The following PITPNC1 variants were observed in gnomAD, a reference collection of about 807,000 sequenced individuals.
The protein encoded by PITPNC1 is phosphatidylinositol transfer protein cytoplasmic 1.
In PITPNC1, 18 loss-of-function variants were observed where a neutral mutation model predicts 44.7. That is an observed-to-expected ratio of 0.40 (90% CI 0.28 to 0.60). PITPNC1 has a LOEUF of 0.60. Ranked by LOEUF, PITPNC1 falls within the 20% of genes least tolerant of loss-of-function variation. PITPNC1 has a pLI of 0.39. For missense variants in PITPNC1, 290 were observed against 418.4 expected, an observed-to-expected ratio of 0.69 and a Z score of 2.68; for synonymous variants, 141 against 149.6, an observed-to-expected ratio of 0.94 and a Z score of 0.42.
intron 1 of PITPNC1, among the ~76,000 whole-genome samples, chr17:67,463,365 A>G (rs977509546): frequency 2.0e-5 from 3 of 152,042 alleles, no homozygotes; most frequent in African/African-American, 7.2e-5. Context: ...GGTGGGATAT[A>G]TTTTCATACA....
intron 8 of PITPNC1, among the ~76,000 whole-genome samples, chr17:67,692,154 C>T (rs1022220692): frequency 6.6e-6 from 1 of 152,036 alleles, no homozygotes; most frequent in African/African-American, 2.4e-5. Context: ...GTTTTAATTA[C>T]CTTCTCTTTA....
At chr17:67,436,855 A>C (rs894611484) in intron 1 of PITPNC1, among the ~76,000 whole-genome samples, 6 of 150,968 alleles carry the variant, frequency 4.0e-5, no homozygotes, top group Non-Finnish European at 7.4e-5. Context: ...TGTCCCCTCA[A>C]AATCTGTGTC....
At chr17:67,661,994 C>CATAATAATAATAATAATAATAATAATA (rs59557224) in intron 6 of PITPNC1, among the ~76,000 whole-genome samples, 1 of 150,862 alleles carries the variant, frequency 6.6e-6, no homozygotes, top group African/African-American at 2.5e-5. Context: ...GACTCCATCT[C>CATAATAATAATAATAATAATAATAATA]ATAATAATAA....
intron 2 of PITPNC1, among the ~76,000 whole-genome samples, chr17:67,541,506 G>A (rs1223528976): frequency 6.6e-6 from 1 of 152,196 alleles, no homozygotes; most frequent in African/African-American, 2.4e-5. Context: ...TTTAGTGTGT[G>A]TGTAATAGAT....
chr17:67,403,222 A>C (rs2038348286), intron 1 of PITPNC1, among the ~76,000 whole-genome samples: 2 of 112,468 alleles, frequency 1.8e-5, no homozygotes, highest in African/African-American at 5.6e-5. Context: ...TCTCTACAAA[A>C]AAAAAAAAAA....
In PITPNC1 at chr17:67,519,171, G is replaced by GTT. The variant is rs563294178; in HGVS notation, c.49-13609_49-13608dup. Among the ~76,000 whole-genome samples, 372 of 78,726 alleles carry GTT rather than the reference G, an allele frequency of 4.7e-3. 3 individuals carry two copies. Among genetic ancestry groups the GTT allele is most frequent in the Middle Eastern group, 7.7e-3 (1 of 130 alleles). 51.6% of individuals were successfully genotyped at this position (78,726 alleles called of 152,430 possible). ...ATACTCATGTTCACAGCAGCATTCT[G>GTT]TTTTTTTTTTTTTTTTTTTTTTTGA... is the stretch of plus-strand genomic sequence containing the variant. On this transcript the variant is annotated intron_variant, in intron 1 of 8. Transcript: ENST00000581322.
At chr17:67,497,685 G>A (rs2916153) in intron 1 of PITPNC1, among the ~76,000 whole-genome samples, 38,388 of 150,716 alleles carry the variant, frequency 0.25, 5,236 homozygotes, top group African/African-American at 0.34. Context: ...GAGCCACCAC[G>A]CCCAGCTAAT....
At chr17:67,577,710 C>A (rs2041169056) in intron 4 of PITPNC1, among the ~76,000 whole-genome samples, 1 of 150,880 alleles carries the variant, frequency 6.6e-6, no homozygotes. Flanking sequence ...AAAATAAAAG[C>A]CAGGTCTGTC....
chr17:67,423,766 C>A (rs1020288644), intron 1 of PITPNC1, among the ~76,000 whole-genome samples: 6 of 152,090 alleles, frequency 3.9e-5, no homozygotes, highest in Non-Finnish European at 5.9e-5. Context: ...GTGGCTCCTT[C>A]AAGAGCAGTT....
At chr17:67,546,267 A>G (rs1353588442) in intron 2 of PITPNC1, among the ~76,000 whole-genome samples, 1 of 134,294 alleles carries the variant, frequency 7.4e-6, no homozygotes, top group Non-Finnish European at 1.5e-5. Flanking sequence ...TGTATATTAC[A>G]TATTATTTAT....
At chr17:67,415,993 T>A (rs1407922515) in intron 1 of PITPNC1, among the ~76,000 whole-genome samples, 1 of 152,076 alleles carries the variant, frequency 6.6e-6, no homozygotes, top group Non-Finnish European at 1.5e-5. Context: ...CTTTGTTCGT[T>A]AGGTTGAAGA....
chr17:67,386,381 C>T (rs923489711), intron 1 of PITPNC1, among the ~76,000 whole-genome samples: 2 of 152,026 alleles, frequency 1.3e-5, no homozygotes, highest in Non-Finnish European at 2.9e-5. Flanking sequence ...TTAGTAGAGT[C>T]GGGGTTTCAC....
At chr17:67,673,966 C>CAAAAAAAAA (rs34458518) in intron 7 of PITPNC1, among the ~76,000 whole-genome samples, 8 of 84,882 alleles carry the variant, frequency 9.4e-5, no homozygotes, top group Admixed American at 1.6e-4. Flanking sequence ...GACTCCGTCT[C>CAAAAAAAAA]AAAAAAAAAA....
rs1344245822 is a variant in PITPNC1, at chr17:67,377,800, C to T, written c.-355C>T. The T allele has an allele frequency of 7.3e-6, 2 of 272,412 alleles. No homozygotes were observed. The allele number at this position is 272,412 out of a possible 1,614,324, so 16.9% of individuals were successfully genotyped here. ...GAAATCTCTCTTTTTTCCTCCCTCG[C>T]TCGCTGCCGGGCATGTCCTGATCTG... On this transcript the variant is annotated 5_prime_UTR_variant, in exon 1 of 9. Coordinates refer to ENST00000581322, the MANE Select transcript of PITPNC1 (RefSeq NM_012417.4).
At chr17:67,621,558 A>C (rs1261838684) in intron 5 of PITPNC1, among the ~76,000 whole-genome samples, 1 of 152,178 alleles carries the variant, frequency 6.6e-6, no homozygotes, top group Non-Finnish European at 1.5e-5. Flanking sequence ...ATGTCATATA[A>C]TATCGATTAA....
chr17:67,660,434 T>C (rs1390335292), intron 6 of PITPNC1, among the ~76,000 whole-genome samples: 2 of 152,190 alleles, frequency 1.3e-5, no homozygotes, highest in African/African-American at 4.8e-5. Flanking sequence ...AATGCAATAA[T>C]GGCTAACATC....
At chr17:67,655,558 C>CAAAAAAAAA in intron 6 of PITPNC1, among the ~76,000 whole-genome samples, 1 of 42,084 alleles carries the variant, frequency 2.4e-5, no homozygotes, top group Non-Finnish European at 5.0e-5. Context: ...AGACTCATCT[C>CAAAAAAAAA]AAAAAAAAAA....
intron 6 of PITPNC1, among the ~76,000 whole-genome samples, chr17:67,635,318 A>G (rs75814638): frequency 0.012 from 1,837 of 152,216 alleles, 37 homozygotes; most frequent in African/African-American, 0.043. Flanking sequence ...AGATGAGTTG[A>G]CAGGGATTGC....
chr17:67,395,683 G>A (rs1005668221), intron 1 of PITPNC1, among the ~76,000 whole-genome samples: 13 of 152,096 alleles, frequency 8.5e-5, no homozygotes, highest in Admixed American at 3.3e-4. Context: ...CGGGATTATT[G>A]TAGCCTCCAT....
Sources: gnomAD v4.1 joint callset for allele counts (sites outside exome capture counted in the v4.1 genomes callset) on GRCh38, gnomAD v4.1.1 for gene constraint, MANE v1.5 for transcripts, NCBI Gene and HGNC (gene_info 2026-07-23, HGNC 2026-07-21) for gene names.